HCN1: variants seen among roughly 807,000 people sequenced by gnomAD.
HCN1 encodes potassium/sodium hyperpolarization-activated cyclic nucleotide-gated channel 1.
A neutral mutation model predicts 78.9 loss-of-function variants in HCN1; 13 were observed. That is an observed-to-expected ratio of 0.16 (90% CI 0.11 to 0.26). HCN1 has a LOEUF of 0.26. Among genes scored for constraint, HCN1 ranks in the 10% least tolerant of loss-of-function variants. The probability of loss-of-function intolerance (pLI) is 1.00; values close to 1 mark genes in which losing one functional copy is unlikely to be tolerated. For synonymous variants in HCN1, 552 were observed against 455.5 expected, an observed-to-expected ratio of 1.21 and a Z score of -2.70; for missense variants, 810 against 1,154.3, an observed-to-expected ratio of 0.70 and a Z score of 4.32.
intron 2 of HCN1, among the ~76,000 whole-genome samples, chr5:45,593,328 T>TCC (rs1561213366): frequency 3.8e-5 from 5 of 130,094 alleles, no homozygotes; most frequent in Non-Finnish European, 3.2e-5. Flanking sequence ...TCTCCCTCTC[T>TCC]CTCTCTCTCT....
chr5:45,633,465 G>C (rs1745303978), intron 2 of HCN1, among the ~76,000 whole-genome samples: 1 of 151,908 alleles, frequency 6.6e-6, no homozygotes, highest in African/African-American at 2.4e-5. Context: ...AGATAGTGGA[G>C]GTCTTTCCAG....
chr5:45,377,876 G>A (rs1747716699), intron 4 of HCN1, among the ~76,000 whole-genome samples: 1 of 151,874 alleles, frequency 6.6e-6, no homozygotes, highest in South Asian at 2.1e-4. Flanking sequence ...ATAATTACTG[G>A]CATAAGCCCT....
intron 5 of HCN1, among the ~76,000 whole-genome samples, chr5:45,310,016 G>T (rs950243829): frequency 6.6e-6 from 1 of 151,732 alleles, no homozygotes; most frequent in African/African-American, 2.4e-5. Context: ...TGGTTGGTAG[G>T]CTATTTATTA....
chr5:45,521,358 C>A (rs1531843), intron 2 of HCN1, among the ~76,000 whole-genome samples: 14,249 of 151,852 alleles, frequency 0.094, 930 homozygotes, highest in Middle Eastern at 0.17. Context: ...TAGATTTGAA[C>A]AACAGAAATT....
intron 4 of HCN1, among the ~76,000 whole-genome samples, chr5:45,378,641 A>G (rs1561133543): frequency 6.6e-6 from 1 of 152,044 alleles, no homozygotes; most frequent in Non-Finnish European, 1.5e-5. Context: ...TAAAAATTAT[A>G]CTTTAAGTTC....
chr5:45,480,704 CTATTCA>C (rs1741631221), intron 2 of HCN1, among the ~76,000 whole-genome samples: 2 of 152,252 alleles, frequency 1.3e-5, no homozygotes, highest in Admixed American at 1.3e-4. Flanking sequence ...GAGTCTGATT[CTATTCA>C]ATGTTATTAA....
At chr5:45,347,515 G>A (rs1229675760) in intron 5 of HCN1, among the ~76,000 whole-genome samples, 2 of 152,230 alleles carry the variant, frequency 1.3e-5, no homozygotes, top group Non-Finnish European at 2.9e-5. Flanking sequence ...GCTGGATGGA[G>A]AATGACTTTG....
intron 3 of HCN1, among the ~76,000 whole-genome samples, chr5:45,447,066 C>T (rs186801710): frequency 9.9e-5 from 15 of 152,072 alleles, no homozygotes; most frequent in Admixed American, 7.2e-4. Flanking sequence ...ATGGACTTAA[C>T]GCTCCAATTA....
Position 45,493,957 on chromosome 5 carries a change from T to G in HCN1, c.850-31950A>C, listed in dbSNP as rs556878073. 2.0e-5 allele frequency among the ~76,000 whole-genome samples: 3 copies of G among 152,310 alleles called. No homozygotes were observed. The South Asian group carries it at 6.2e-4, about 32-fold the overall frequency. ...ATCATTTTTTATGGCTGCGTAGTAT[T>G]CCATGGTGTATATGTTTCACATTTT... On this transcript the variant is annotated intron_variant, in intron 2 of 7. Transcript: ENST00000303230.
intron 3 of HCN1, among the ~76,000 whole-genome samples, chr5:45,421,550 TAAAAC>T (rs1561148374): frequency 6.6e-6 from 1 of 151,584 alleles, no homozygotes; most frequent in Non-Finnish European, 1.5e-5. Flanking sequence ...TACATAAAGT[TAAAAC>T]AAAACAAAAA....
At chr5:45,539,207 T>A (rs1743038556) in intron 2 of HCN1, among the ~76,000 whole-genome samples, 1 of 152,168 alleles carries the variant, frequency 6.6e-6, no homozygotes, top group Admixed American at 6.5e-5. Context: ...TCATACAGCT[T>A]CTGCCACACA....
chr5:45,284,823 C>T (rs527379317), intron 6 of HCN1, among the ~76,000 whole-genome samples: 56 of 152,158 alleles, frequency 3.7e-4, no homozygotes, highest in African/African-American at 1.3e-3. Flanking sequence ...AAGTCACAGT[C>T]ATTAATTTGG....
At chr5:45,448,959 C>T (rs1484082678) in intron 3 of HCN1, among the ~76,000 whole-genome samples, 1 of 152,038 alleles carries the variant, frequency 6.6e-6, no homozygotes, top group Admixed American at 6.6e-5. Flanking sequence ...ACTAAAAATA[C>T]AAAAGTTAGC....
At chr5:45,560,315 A>T (rs1010203953) in intron 2 of HCN1, among the ~76,000 whole-genome samples, 5 of 152,086 alleles carry the variant, frequency 3.3e-5, no homozygotes, top group East Asian at 1.9e-4. Context: ...ATGTATTTTT[A>T]AAAATTTATA....
intron 3 of HCN1, among the ~76,000 whole-genome samples, chr5:45,400,854 C>G (rs1398249904): frequency 1.3e-5 from 2 of 152,154 alleles, no homozygotes; most frequent in Admixed American, 1.3e-4. Flanking sequence ...TAATCACACA[C>G]ACATGCACAT....
At chr5:45,311,752 C>T (rs1406508773) in intron 5 of HCN1, among the ~76,000 whole-genome samples, 1 of 152,154 alleles carries the variant, frequency 6.6e-6, no homozygotes, top group South Asian at 2.1e-4. Context: ...TGCATGAGAC[C>T]TGCAGCTTTA....
intron 5 of HCN1, among the ~76,000 whole-genome samples, chr5:45,312,995 G>A (rs900052281): frequency 6.6e-6 from 1 of 152,158 alleles, no homozygotes; most frequent in African/African-American, 2.4e-5. Flanking sequence ...AAATGTCCCT[G>A]TCTGACAGCT....
At chr5:45,319,443 T>C (rs987469633) in intron 5 of HCN1, among the ~76,000 whole-genome samples, 1 of 151,880 alleles carries the variant, frequency 6.6e-6, no homozygotes, top group Non-Finnish European at 1.5e-5. Flanking sequence ...GTAGTTTTAA[T>C]ATGCATTTTC....
chr5:45,486,929 A>G (rs553651560), intron 2 of HCN1, among the ~76,000 whole-genome samples: 1 of 152,212 alleles, frequency 6.6e-6, no homozygotes, highest in South Asian at 2.1e-4. Context: ...GGTAAATTAG[A>G]TGTTCACAAT....
Sources: gnomAD v4.1 joint callset for allele counts (sites outside exome capture counted in the v4.1 genomes callset) on GRCh38, gnomAD v4.1.1 for gene constraint, MANE v1.5 for transcripts, NCBI Gene and HGNC (gene_info 2026-07-23, HGNC 2026-07-21) for gene names.